GFUS: variants seen among roughly 807,000 people sequenced by gnomAD.
GFUS encodes 3-5 epimerase/4-reductase.
A neutral mutation model predicts 41.5 loss-of-function variants in GFUS; 42 were observed. The observed-to-expected ratio is 1.01, with a 90% CI of 0.79 to 1.31. GFUS has a LOEUF of 1.31. Ranked by LOEUF, GFUS falls within the 50% of genes most tolerant of loss-of-function variation. The pLI is 0.00. For missense variants in GFUS, 437 were observed against 428.7 expected, an observed-to-expected ratio of 1.02 and a Z score of -0.17; for synonymous variants, 188 against 173.4, an observed-to-expected ratio of 1.08 and a Z score of -0.66.
rs751051269 is a variant in GFUS at position 143,614,392 on chromosome 8, G to GCCCGA, written c.521_525dup (p.Pro176SerfsTer32). ...TCCTCGATGTTGAAGTTGTCGTGGG[G>GCCCGA]CCCGAAGACGTTGGTGGGGATGACA... On this transcript the variant is annotated frameshift_variant, in exon 6 of 11. Transcript: ENST00000425753. LOFTEE classifies it high-confidence loss of function. 1 of 1,613,962 alleles carries GCCCGA rather than the reference G, an allele frequency of 6.2e-7. No individual in the cohort carries two copies. Among genetic ancestry groups the GCCCGA allele is most frequent in the East Asian group, 2.2e-5 (1 of 44,890 alleles).
upstream of GFUS, chr8:143,618,011 T>A (rs1483377849): frequency 6.6e-6 from 1 of 152,202 alleles, no homozygotes; most frequent in Admixed American, 6.5e-5. Flanking sequence ...CCCGCGCCCA[T>A]GGGTACGCCC....
Position 143,614,846 on chromosome 8 carries a change from A to G in GFUS, c.331T>C (p.Ser111Pro), listed in dbSNP as rs1484248818. Residue 111 changes from serine to proline, a missense_variant, in exon 4 of 11, where the codon TCC (serine) becomes CCC (proline). Transcript: ENST00000425753. ...GGGAAGATACAGGTGGACAGGCAGG[A>G]CACCACCTTGCGGGCGCCCACCTCA... ...AFEVGARKVV[S>P]CLSTCIFPDK... 1 of 1,613,558 alleles carries G rather than the reference A, an allele frequency of 6.2e-7. No individual in the cohort carries two copies. Among genetic ancestry groups the G allele is most frequent in the African/African-American group, 1.3e-5 (1 of 74,910 alleles).
chr8:143,615,352 C>A (rs763266715), intron 3 of GFUS, among the ~76,000 whole-genome samples: 3 of 152,176 alleles, frequency 2.0e-5, no homozygotes, highest in Non-Finnish European at 4.4e-5. Flanking sequence ...CTGCGCTTGC[C>A]GGGTCCACCC....
chr8:143,616,203 C>T lies in GFUS; in HGVS notation c.164G>A (p.Arg55His), dbSNP rs766918133. Residue 55 changes from arginine to histidine, a missense_variant, in exon 3 of 11, where the codon CGC becomes CAC. Physicochemically the swap from Arg to His is conservative, Grantham distance 29. Coordinates refer to ENST00000425753, the MANE Select transcript of GFUS (RefSeq NM_003313.4). ...GGGTTGGACCTTCTCAAACAGGGCG[C>T]GGGTCTGTGCTGTATCCCTGTAGGA... ...DADLTDTAQT[R>H]ALFEKVQPTH... 47 of 1,613,834 alleles carry T rather than the reference C, an allele frequency of 2.9e-5. No homozygotes were observed. Among genetic ancestry groups the T allele is most frequent in the Admixed American group, 5.0e-5 (3 of 59,992 alleles).
intron 7 of GFUS, 57 bp downstream of exon 7, chr8:143,614,107 A>G: frequency 6.2e-7 from 1 of 1,602,332 alleles, no homozygotes; most frequent in Non-Finnish European, 8.5e-7. Context: ...AGCAGGGGCC[A>G]GCCCAGGGCT....
At chr8:143,615,077 G>C (rs1300496831) in intron 3 of GFUS, among the ~76,000 whole-genome samples, 162 bp from the exon 4 acceptor site, 2 of 152,148 alleles carry the variant, frequency 1.3e-5, no homozygotes, top group Non-Finnish European at 2.9e-5. Context: ...TGGGCTTACA[G>C]ACACCATTGC....
chr8:143,616,846 A>G, intron 1 of GFUS, 123 bp from the exon 2 acceptor site: 9 of 1,219,840 alleles, frequency 7.4e-6, no homozygotes, highest in Non-Finnish European at 1.0e-5. Context: ...TGGCAACCAG[A>G]AAGACCCAGC....
At chr8:143,615,337 G>A (rs1829697975) in intron 3 of GFUS, among the ~76,000 whole-genome samples, 1 of 152,218 alleles carries the variant, frequency 6.6e-6, no homozygotes, top group Non-Finnish European at 1.5e-5. Context: ...CAGGATCAAT[G>A]GAGCCTGCGC....
chr8:143,613,488 C>T (rs1179105568), intron 9 of GFUS, 36 bp downstream of exon 9: 1 of 1,603,758 alleles, frequency 6.2e-7, no homozygotes, highest in Non-Finnish European at 8.5e-7. Context: ...CCCAAGGGGC[C>T]CCCGCCCAAC....
chr8:143,615,051 T>C, intron 3 of GFUS, 136 bp from the exon 4 acceptor site: 1 of 1,376,044 alleles, frequency 7.3e-7, no homozygotes, highest in Non-Finnish European at 9.7e-7. Flanking sequence ...ATCCTAACCG[T>C]TTCCGGACAA....
intron 2 of GFUS, 40 bp from the exon 3 acceptor site, chr8:143,616,260 C>T (rs529382003): frequency 6.3e-7 from 1 of 1,589,550 alleles, no homozygotes; most frequent in Admixed American, 1.7e-5. Flanking sequence ...TGGAGGGAAC[C>T]AGCACCCCAG....
intron 2 of GFUS, 42 bp from the exon 3 acceptor site, chr8:143,616,262 G>T (rs1239434646): frequency 6.3e-7 from 1 of 1,585,200 alleles, no homozygotes; most frequent in Non-Finnish European, 8.7e-7. Context: ...GAGGGAACCA[G>T]CACCCCAGGG....
chr8:143,615,908 A>C, intron 3 of GFUS, 198 bp downstream of exon 3: 1 of 495,714 alleles, frequency 2.0e-6, no homozygotes. Flanking sequence ...GGCCCCCTGC[A>C]TGGCCCTCTG....
rs146763559 is a variant in GFUS, at chr8:143,616,148, C to T, written c.219G>A (p.Val73=). ...PTHVIHLAAM[V]GGLFRNIKYN... is the part of the protein sequence containing the mutation. ...ATTTGATATTCCGGAACAGGCCCCC[C>T]ACCATTGCAGCAAGATGGATGACGT... The change falls in exon 3 of 11, where the codon GTG becomes GTA. Residue 73 remains valine, a synonymous_variant. Coordinates refer to ENST00000425753, the MANE Select transcript of GFUS (RefSeq NM_003313.4). 18 of 1,612,496 alleles carry T rather than the reference C, an allele frequency of 1.1e-5. 1 individual carries two copies. In the African/African-American group the frequency reaches 2.1e-4, roughly 19 times the overall value.
In GFUS at chr8:143,613,586, C is replaced by T; in HGVS notation, c.748G>A (p.Val250Ile). 1 of 1,611,958 alleles carries T rather than the reference C, an allele frequency of 6.2e-7. No individual in the cohort carries two copies. Among genetic ancestry groups the T allele is most frequent in the Non-Finnish European group, 8.5e-7 (1 of 1,179,948 alleles). ...IILSVGEEDE[V>I]SIKEAAEAVV... ...GCCTCGGCTGCCTCCTTGATGGAGA[C>T]CTCATCTTCCTCGCCCACTGTGGGG... The change falls in exon 9 of 11, where the codon GTC (valine) becomes ATC (isoleucine). Residue 250 changes from valine to isoleucine, a missense_variant. Val to Ile is a conservative substitution (Grantham distance 29). Coordinates refer to ENST00000425753, the MANE Select transcript of GFUS (RefSeq NM_003313.4).
rs199892127 is a variant in GFUS, at chr8:143,614,701, C to G, written c.391-4G>C. The stretch of plus-strand genomic sequence containing the variant: ...TGTGGGGAGGCCCATTGTGGATCTG[C>G]GGGCGTGGGAGAGGCAGAGGCCGCT... On this transcript the variant is annotated splice_region_variant and splice_polypyrimidine_tract_variant and intron_variant, in intron 4 of 10. Transcript: ENST00000425753. 3.1e-6 allele frequency: 5 copies of G among 1,612,830 alleles called. No homozygotes were observed. The East Asian group carries it at 1.1e-4, about 36-fold the overall frequency.
chr8:143,614,871 A>G lies in GFUS; in HGVS notation c.306T>C (p.Phe102=), dbSNP rs1049832. 0.58 allele frequency: 937,213 copies of G among 1,613,060 alleles called. 287,847 individuals carry two copies. The highest frequency in any genetic ancestry group is 0.64 in the Non-Finnish European group (756,688 of 1,179,694). Residue 102 remains phenylalanine (F), a synonymous_variant, in exon 4 of 11, where the codon TTT becomes TTC. Transcript: ENST00000425753. ...ACACCACCTTGCGGGCGCCCACCTC[A>G]AAGGCCGAGTGCAGGACGTTGTCGT... ...HMNDNVLHSA[F]EVGARKVVSC...
chr8:143,613,938 G>A (rs928587792), intron 7 of GFUS, 121 bp from the exon 8 acceptor site: 40 of 1,238,974 alleles, frequency 3.2e-5, no homozygotes, highest in Non-Finnish European at 4.0e-5. Flanking sequence ...GGGAACAGGG[G>A]TCCCTCCTTT....
rs1274471310 is a variant in GFUS at position 143,617,535 on chromosome 8, C to G, written c.-73G>C. 6.6e-6 allele frequency: 1 copy of G among 152,238 alleles called. No homozygotes were observed. Among genetic ancestry groups the G allele is most frequent in the African/African-American group, 2.4e-5 (1 of 41,444 alleles). 9.4% of individuals were successfully genotyped at this position (152,238 alleles called of 1,614,324 possible). ...CTTCCGGCCGGGTGCGCTCCGGCTG[C>G]CCGCGGAGCCAGGTGGGGGGCGGGG... On this transcript the variant is annotated 5_prime_UTR_variant, in exon 1 of 11. Coordinates refer to ENST00000425753, the MANE Select transcript of GFUS (RefSeq NM_003313.4).
Sources: allele counts gnomAD v4.1 joint callset (sites outside exome capture counted in the v4.1 genomes callset), GRCh38; gene constraint gnomAD v4.1.1; transcripts MANE v1.5; gene names NCBI Gene and HGNC (gene_info 2026-07-23, HGNC 2026-07-21).